LRFN2: variants seen among roughly 807,000 people sequenced by gnomAD.
The protein encoded by LRFN2 is leucine rich repeat and fibronectin type III domain containing 2, also known as leucine-rich repeat and fibronectin type-III domain-containing protein 2.
Under a neutral mutation model 37.3 loss-of-function variants are expected in LRFN2, and 18 were observed. The observed-to-expected ratio is 0.48, with a 90% CI of 0.33 to 0.72. The LOEUF (loss-of-function observed/expected upper bound fraction) is 0.72, where lower values mean the gene tolerates loss of function less well. Among genes scored for constraint, LRFN2 ranks in the 30% least tolerant of loss-of-function variants. The pLI is 0.02. For missense variants in LRFN2, 1,006 were observed against 1,060.7 expected, an observed-to-expected ratio of 0.95 and a Z score of 0.72; for synonymous variants, 556 against 466.6, an observed-to-expected ratio of 1.19 and a Z score of -2.47.
rs912612185 is a variant in LRFN2, at chr6:40,442,668, C to T, written c.-18-9537G>A. Among the ~76,000 whole-genome samples the T allele has an allele frequency of 3.3e-5, 5 of 152,192 alleles. No homozygotes were observed. The East Asian group carries it at 9.6e-4, about 29-fold the overall frequency. On this transcript the variant is annotated intron_variant, in intron 1 of 2. Transcript: ENST00000338305. The stretch of plus-strand genomic sequence containing the variant: ...TCTGTTTCCCCTCAGACTGGGGCTC[C>T]ATCAGACAGAGCTGTATCTTCTTTC...
chr6:40,546,312 G>C (rs958534116), intron 1 of LRFN2, among the ~76,000 whole-genome samples: 8 of 152,148 alleles, frequency 5.3e-5, no homozygotes, highest in Non-Finnish European at 1.2e-4. Flanking sequence ...TGTTCCAAAA[G>C]TTTGCACAAA....
chr6:40,458,676 G>T (rs1303874038), intron 1 of LRFN2, among the ~76,000 whole-genome samples: 3 of 152,202 alleles, frequency 2.0e-5, no homozygotes, highest in Non-Finnish European at 4.4e-5. Context: ...GTGACCTTGT[G>T]TTCTCCCAAG....
rs369343640 is a variant in LRFN2, at chr6:40,531,510, C to T, written c.-19+55431G>A. Among the ~76,000 whole-genome samples, 4 of 152,148 alleles carry T rather than the reference C, an allele frequency of 2.6e-5. No homozygotes were observed. The South Asian group carries it at 6.2e-4, about 24-fold the overall frequency. On this transcript the variant is annotated intron_variant, in intron 1 of 2. Transcript: ENST00000338305. ...CAAGATAGCTGTAGTCAATTCTACC[C>T]AATGGTCTTCTGAGAGTGTCTGTCT...
chr6:40,508,182 G>C (rs1765597775), intron 1 of LRFN2, among the ~76,000 whole-genome samples: 1 of 152,176 alleles, frequency 6.6e-6, no homozygotes, highest in Admixed American at 6.5e-5. Flanking sequence ...CAAAGTGCTG[G>C]ACACAGTGGC....
chr6:40,569,092 G>A (rs1029158769), intron 1 of LRFN2, among the ~76,000 whole-genome samples: 2 of 152,228 alleles, frequency 1.3e-5, no homozygotes, highest in African/African-American at 2.4e-5. Context: ...GCAGCTCTGG[G>A]ACCCACAGCT....
At chr6:40,562,807 G>A (rs1363285796) in intron 1 of LRFN2, among the ~76,000 whole-genome samples, 1 of 151,244 alleles carries the variant, frequency 6.6e-6, no homozygotes. Context: ...AAAGGCACAT[G>A]TGAGCGTGCT....
At chr6:40,443,534 C>A (rs563094099) in intron 1 of LRFN2, among the ~76,000 whole-genome samples, 17 of 152,288 alleles carry the variant, frequency 1.1e-4, no homozygotes, top group African/African-American at 4.1e-4. Context: ...AATGCTTCCC[C>A]CAAGACCAGG....
chr6:40,408,790 A>G (rs1427349247), intron 2 of LRFN2, among the ~76,000 whole-genome samples: 2 of 152,252 alleles, frequency 1.3e-5, no homozygotes, highest in East Asian at 1.9e-4. Context: ...TTTTGTTTCA[A>G]TGCCAATGGT....
intron 1 of LRFN2, among the ~76,000 whole-genome samples, chr6:40,489,092 A>G (rs1329594367): frequency 6.6e-6 from 1 of 152,118 alleles, no homozygotes; most frequent in African/African-American, 2.4e-5. Context: ...ACACCTGTCT[A>G]TACCATAGGC....
At chr6:40,400,750 C>CT (rs1239928007) in intron 2 of LRFN2, among the ~76,000 whole-genome samples, 1 of 151,714 alleles carries the variant, frequency 6.6e-6, no homozygotes, top group Non-Finnish European at 1.5e-5. Context: ...ATCCTTGAGG[C>CT]TTACTGCAAG....
intron 1 of LRFN2, among the ~76,000 whole-genome samples, chr6:40,440,765 G>A (rs1430003797): frequency 6.6e-6 from 1 of 152,184 alleles, no homozygotes; most frequent in East Asian, 1.9e-4. Context: ...CCCTAGGAGG[G>A]CTGAGCCTCA....
At chr6:40,480,929 G>A (rs1272741125) in intron 1 of LRFN2, among the ~76,000 whole-genome samples, 1 of 152,164 alleles carries the variant, frequency 6.6e-6, no homozygotes, top group African/African-American at 2.4e-5. Flanking sequence ...TAGCTAAGAT[G>A]GAGCCTAAAA....
intron 1 of LRFN2, among the ~76,000 whole-genome samples, chr6:40,524,438 C>G (rs1271122114): frequency 6.7e-6 from 1 of 149,668 alleles, no homozygotes; most frequent in Non-Finnish European, 1.5e-5. Flanking sequence ...GACACACACA[C>G]ACTCTCTCAC....
At chr6:40,566,581 G>A (rs1011302079) in intron 1 of LRFN2, among the ~76,000 whole-genome samples, 5 of 151,922 alleles carry the variant, frequency 3.3e-5, no homozygotes, top group Non-Finnish European at 5.9e-5. Context: ...CATGTCCTTT[G>A]TAGGGACATG....
intron 1 of LRFN2, among the ~76,000 whole-genome samples, chr6:40,483,033 G>A (rs936233284): frequency 1.3e-5 from 2 of 152,232 alleles, no homozygotes; most frequent in Non-Finnish European, 2.9e-5. Context: ...AGCCCAGAAG[G>A]CACCAGGGTG....
intron 1 of LRFN2, among the ~76,000 whole-genome samples, chr6:40,462,250 A>C (rs1374110310): frequency 6.6e-6 from 1 of 152,214 alleles, no homozygotes; most frequent in Admixed American, 6.5e-5. Context: ...TGGCAGAAGC[A>C]TGGGTGAGCT....
At chr6:40,514,687 C>A (rs1462086566) in intron 1 of LRFN2, among the ~76,000 whole-genome samples, 1 of 152,176 alleles carries the variant, frequency 6.6e-6, no homozygotes, top group Non-Finnish European at 1.5e-5. Flanking sequence ...AGAAGGTCTG[C>A]AGTAAAAATA....
At chr6:40,540,825 C>A (rs896553710) in intron 1 of LRFN2, among the ~76,000 whole-genome samples, 1 of 152,164 alleles carries the variant, frequency 6.6e-6, no homozygotes, top group African/African-American at 2.4e-5. Flanking sequence ...CTGCAGACGC[C>A]CAGGGAGGCA....
intron 2 of LRFN2, among the ~76,000 whole-genome samples, chr6:40,409,995 C>G (rs1248039236): frequency 6.6e-6 from 1 of 152,190 alleles, no homozygotes; most frequent in East Asian, 1.9e-4. Context: ...CCCTGGATAC[C>G]TCTGTCTCTA....
Sources: allele counts gnomAD v4.1 joint callset (sites outside exome capture counted in the v4.1 genomes callset), GRCh38; gene constraint gnomAD v4.1.1; transcripts MANE v1.5; gene names NCBI Gene and HGNC (gene_info 2026-07-23, HGNC 2026-07-21).